The following PCDHA4 variants were observed in gnomAD, a reference collection of about 807,000 sequenced individuals.
The protein encoded by PCDHA4 is protocadherin alpha 4.
PCDHA4 carries 49 observed loss-of-function variants against 61.4 expected under a neutral mutation model. That is an observed-to-expected ratio of 0.80 (90% CI 0.63 to 1.01). The LOEUF (loss-of-function observed/expected upper bound fraction) is 1.01, where lower values mean the gene tolerates loss of function less well. Ranked by LOEUF, PCDHA4 falls within the 50% of genes least tolerant of loss-of-function variation. The pLI, the probability that PCDHA4 is intolerant of heterozygous loss-of-function variation, is 0.00. For missense variants in PCDHA4, 1,254 were observed against 1,235.8 expected (o/e 1.01, Z -0.22); for synonymous variants, 590 against 550.3 (o/e 1.07, Z -1.01).
intron 1 of PCDHA4, chr5:140,809,989 CA>C (rs1431983915): frequency 6.4e-6 from 1 of 157,120 alleles, no homozygotes; most frequent in Non-Finnish European, 1.4e-5. Context: ...ATGCACCTGC[CA>C]AATCACTTCC....
chr5:140,934,534 G>A (rs1248269957), intron 1 of PCDHA4, among the ~76,000 whole-genome samples: 1 of 152,062 alleles, frequency 6.6e-6, no homozygotes, highest in Admixed American at 6.6e-5. Flanking sequence ...GAGAGCTACC[G>A]TTCTAATTCT....
chr5:140,882,059 A>C, intron 1 of PCDHA4: 1 of 799,024 alleles, frequency 1.3e-6, no homozygotes, highest in Non-Finnish European at 1.9e-6. Flanking sequence ...TTACACTTAC[A>C]CGTTCATGCG....
chr5:140,841,901 C>G, intron 1 of PCDHA4: 1 of 1,613,844 alleles, frequency 6.2e-7, no homozygotes, highest in Non-Finnish European at 8.5e-7. Flanking sequence ...ACTGGTTGAG[C>G]TCGTATTAAG....
intron 1 of PCDHA4, chr5:140,821,958 C>A: frequency 6.2e-7 from 1 of 1,614,156 alleles, no homozygotes; most frequent in Non-Finnish European, 8.5e-7. Context: ...TGGTGCCGCG[C>A]CTGTTCCGGG....
chr5:140,852,926 T>C (rs1274481129), intron 1 of PCDHA4: 1 of 649,848 alleles, frequency 1.5e-6, no homozygotes, highest in Non-Finnish European at 2.0e-6. Flanking sequence ...TTGCCCAGGC[T>C]GGAGTGCAGT....
intron 1 of PCDHA4, among the ~76,000 whole-genome samples, chr5:140,890,478 G>A (rs1358799219): frequency 1.3e-5 from 2 of 151,984 alleles, no homozygotes; most frequent in Non-Finnish European, 2.9e-5. Flanking sequence ...TTTTTTGTGC[G>A]TTATTTTTGT....
At chr5:140,958,692 T>C (rs2095438296) in intron 1 of PCDHA4, among the ~76,000 whole-genome samples, 2 of 152,190 alleles carry the variant, frequency 1.3e-5, no homozygotes, top group African/African-American at 4.8e-5. Flanking sequence ...TTGAATATCC[T>C]AGAGTGACAA....
At chr5:140,829,936 A>G in intron 1 of PCDHA4, 2 of 1,613,968 alleles carry the variant, frequency 1.2e-6, no homozygotes, top group Non-Finnish European at 1.7e-6. Context: ...AGCCCCCGGC[A>G]AGCAGCGCTC....
intron 3 of PCDHA4, among the ~76,000 whole-genome samples, chr5:140,996,427 G>A (rs1479947811): frequency 6.6e-6 from 1 of 152,176 alleles, no homozygotes; most frequent in Non-Finnish European, 1.5e-5. Context: ...GAAAACTTTG[G>A]GAATAGTCAG....
At chr5:140,912,689 C>T (rs879967123) in intron 1 of PCDHA4, among the ~76,000 whole-genome samples, 1 of 152,112 alleles carries the variant, frequency 6.6e-6, no homozygotes, top group Admixed American at 6.5e-5. Context: ...TTCCAGGTCT[C>T]AGGGGGAATG....
chr5:140,966,575 A>C (rs2096022921), intron 1 of PCDHA4: 1 of 520,380 alleles, frequency 1.9e-6, no homozygotes, highest in Non-Finnish European at 3.2e-6. Context: ...ATGGGGAGTC[A>C]GCGAGGACGG....
chr5:140,832,765 T>C (rs2150203921), intron 1 of PCDHA4, among the ~76,000 whole-genome samples: 1 of 152,268 alleles, frequency 6.6e-6, no homozygotes, highest in East Asian at 1.9e-4. Context: ...GCAAGAATAT[T>C]GTAAGAGGTG....
At chr5:140,921,981 A>G (rs2080540156) in intron 1 of PCDHA4, among the ~76,000 whole-genome samples, 1 of 152,092 alleles carries the variant, frequency 6.6e-6, no homozygotes, top group Non-Finnish European at 1.5e-5. Flanking sequence ...AAATAGAACT[A>G]AAAAAGAGTT....
chr5:140,841,974 G>A (rs1777620025), intron 1 of PCDHA4: 1 of 1,613,872 alleles, frequency 6.2e-7, no homozygotes, highest in South Asian at 1.1e-5. Context: ...ACAGATGGGG[G>A]CAAACCTGAG....
In PCDHA4 at chr5:140,846,169, C is replaced by A. The variant is rs2150385280; in HGVS notation, c.2385+36597C>A. On this transcript the variant is annotated intron_variant, in intron 1 of 3. Coordinates refer to ENST00000530339, the MANE Select transcript of PCDHA4 (RefSeq NM_018907.4). ...AAAGTTGCCTGAGATCCTGCAGAGG[C>A]CTGAGTAGGCGTTTGAGTTCTTTGT... Among the ~76,000 whole-genome samples the A allele has an allele frequency of 6.7e-5, 10 of 149,346 alleles. 2 individuals carry two copies. Among genetic ancestry groups the A allele is most frequent in the Admixed American group, 1.3e-4 (2 of 14,894 alleles).
intron 3 of PCDHA4, among the ~76,000 whole-genome samples, chr5:140,990,272 C>A (rs568200508): frequency 6.6e-6 from 1 of 152,196 alleles, no homozygotes; most frequent in African/African-American, 2.4e-5. Flanking sequence ...CAATGTACCC[C>A]GGGTCTTGAG....
intron 1 of PCDHA4, chr5:140,816,333 A>C (rs2126670713): frequency 6.6e-6 from 1 of 152,168 alleles, no homozygotes; most frequent in Non-Finnish European, 1.5e-5. Flanking sequence ...TGTATTCTTC[A>C]GTTCCAAAAT....
rs1221925609 is a variant in PCDHA4, at chr5:140,850,980, T to C, written c.2385+41408T>C. The C allele has an allele frequency of 2.1e-6, 3 of 1,453,332 alleles. 1 individual carries two copies. The highest frequency in any genetic ancestry group is 1.4e-5 in the African/African-American group (1 of 69,706). 90.0% of individuals were successfully genotyped at this position (1,453,332 alleles called of 1,614,324 possible). A position where few individuals can be genotyped will look rare whatever the true frequency, so the allele number is the denominator to read the frequency against. On this transcript the variant is annotated intron_variant, in intron 1 of 3. Coordinates refer to ENST00000530339, the MANE Select transcript of PCDHA4 (RefSeq NM_018907.4). ...CCCAGGGGCCGTTCAAATAGTTTTATTCATTTTTCTAGAAATCCAGCAGAT... is the reference window on the plus strand; with the variant it reads ...CCCAGGGGCCGTTCAAATAGTTTTACTCATTTTTCTAGAAATCCAGCAGAT...
chr5:140,972,322 T>C (rs2096531924), intron 1 of PCDHA4, among the ~76,000 whole-genome samples: 1 of 151,968 alleles, frequency 6.6e-6, no homozygotes, highest in African/African-American at 2.4e-5. Context: ...AGGTGTTTTT[T>C]TTTTTTGGAA....
Sources: allele counts gnomAD v4.1 joint callset (sites outside exome capture counted in the v4.1 genomes callset), GRCh38; gene constraint gnomAD v4.1.1; transcripts MANE v1.5; gene names NCBI Gene and HGNC (gene_info 2026-07-23, HGNC 2026-07-21).